The following SLC22A23 variants were observed in gnomAD, a reference collection of about 807,000 sequenced individuals.
SLC22A23 encodes the protein ion transporter protein.
A neutral mutation model predicts 61.0 loss-of-function variants in SLC22A23; 26 were observed. The ratio of observed to expected loss-of-function variants is 0.43; its 90% confidence interval spans 0.31 to 0.59. The LOEUF is 0.59. SLC22A23 is among the 20% of genes least tolerant of loss of function. The pLI is 0.11. For synonymous variants in SLC22A23, 430 were observed against 413.9 expected (o/e 1.04, Z -0.47); for missense variants, 796 against 934.7 (o/e 0.85, Z 1.94).
At chr6:3,403,194 G>C (rs1250535218) in intron 3 of SLC22A23, among the ~76,000 whole-genome samples, 2 of 146,374 alleles carry the variant, frequency 1.4e-5, no homozygotes, top group Non-Finnish European at 3.0e-5. Flanking sequence ...TTTTTTACTT[G>C]TTTTCAAGGT....
At position 3,289,798 on chromosome 6, in the gene SLC22A23, G is replaced by A; in HGVS notation, c.1279C>T (p.Leu427=). 6.2e-7 allele frequency: 1 copy of A among 1,614,016 alleles called. No individual in the cohort carries two copies. ...CIVKVVGTRN[L]WKNIVVLCVN... Reference sequence around the variant, plus strand: ...CACAGGACCACAATGTTCTTCCACAGGTTCCGTGTCCCCACCACCTTCACG... The same window carrying A: ...CACAGGACCACAATGTTCTTCCACAAGTTCCGTGTCCCCACCACCTTCACG... The change falls in exon 6 of 10, where the codon CTG becomes TTG. Residue 427 remains leucine, a synonymous_variant. Transcript: ENST00000406686.
intron 3 of SLC22A23, among the ~76,000 whole-genome samples, chr6:3,361,056 C>CCG (rs1346555600): frequency 8.3e-4 from 50 of 60,100 alleles, no homozygotes; most frequent in Non-Finnish European, 1.5e-3. Context: ...CTATTTCTAC[C>CCG]CACCCCCCCC....
intron 1 of SLC22A23, among the ~76,000 whole-genome samples, chr6:3,420,554 G>C (rs1482672479): frequency 1.3e-5 from 2 of 152,052 alleles, no homozygotes; most frequent in Non-Finnish European, 2.9e-5. Context: ...GAAAAACTAA[G>C]GGGGAAAAAC....
In SLC22A23 at chr6:3,456,619, CCCGGGCACAGCGCG is replaced by C. The variant is rs1388193876; in HGVS notation, c.-74_-61del. On this transcript the variant is annotated 5_prime_UTR_variant, in exon 1 of 10. Coordinates refer to ENST00000406686, the MANE Select transcript of SLC22A23 (RefSeq NM_015482.2). This position sits in a 1 kb window ranked among gnomAD's most constrained non-coding sequence, Gnocchi z 7.1. ...AGCGCGGCGGAGGCTCCGCGGGCGC[CCCGGGCACAGCGCG>C]CCGGGCCAGGCGCCTGCAGCCGCTG... is the stretch of plus-strand genomic sequence containing the variant. 2.1e-6 allele frequency: 2 copies of C among 962,494 alleles called. No individual in the cohort carries two copies. The highest frequency in any genetic ancestry group is 2.5e-6 in the Non-Finnish European group (2 of 811,944). The allele number at this position is 962,494 out of a possible 1,614,324, so 59.6% of individuals were successfully genotyped here.
chr6:3,276,025 G>A (rs1408038993), intron 9 of SLC22A23, among the ~76,000 whole-genome samples: 2 of 152,338 alleles, frequency 1.3e-5, no homozygotes, highest in Admixed American at 1.3e-4. Context: ...TCATAAACCA[G>A]ATATACACAG....
chr6:3,362,231 C>G (rs1486341668), intron 3 of SLC22A23, among the ~76,000 whole-genome samples: 1 of 151,204 alleles, frequency 6.6e-6, no homozygotes, highest in African/African-American at 2.4e-5. Context: ...TGGTGAAACC[C>G]CGTCTCTACT....
rs1206366713 is a variant in SLC22A23, at chr6:3,298,208, C to T, written c.1093G>A (p.Glu365Lys). The part of the protein sequence containing the change: ...LMLLYWSIFP[E>K]SLRWLMATQQ... ...GTGGCCATTAGCCACCGGAGGGACT[C>T]GGGGAATATCCTTTAAAGACACAAA... The change falls in exon 5 of 10, where the codon GAG (glutamate) becomes AAG (lysine). Residue 365 changes from glutamate (E) to lysine (K), a missense_variant. Physicochemically the swap from Glu to Lys is moderately conservative, Grantham distance 56. Coordinates refer to ENST00000406686, the MANE Select transcript of SLC22A23 (RefSeq NM_015482.2). The T allele has an allele frequency of 1.3e-6, 2 of 1,594,518 alleles. No homozygotes were observed. Among genetic ancestry groups the T allele is most frequent in the Non-Finnish European group, 1.7e-6 (2 of 1,172,796 alleles).
chr6:3,346,756 T>C (rs1337471989), intron 3 of SLC22A23, among the ~76,000 whole-genome samples: 2 of 152,146 alleles, frequency 1.3e-5, no homozygotes, highest in Non-Finnish European at 1.5e-5. Flanking sequence ...TGGTTCCCTG[T>C]CATGCCTTTG....
intron 1 of SLC22A23, among the ~76,000 whole-genome samples, chr6:3,416,433 C>A (rs540321621): frequency 6.6e-6 from 1 of 152,254 alleles, no homozygotes; most frequent in African/African-American, 2.4e-5. Context: ...GTGTCCCTTG[C>A]GTTTTCCCAT....
At chr6:3,289,001 T>C (rs1399076707) in intron 6 of SLC22A23, among the ~76,000 whole-genome samples, 1 of 152,240 alleles carries the variant, frequency 6.6e-6, no homozygotes, top group African/African-American at 2.4e-5. Flanking sequence ...GGCCTGTCTT[T>C]ACCTGGTGGC....
intron 8 of SLC22A23, among the ~76,000 whole-genome samples, chr6:3,284,491 C>T (rs112991251): frequency 1.3e-5 from 2 of 152,226 alleles, no homozygotes; most frequent in African/African-American, 4.8e-5. Flanking sequence ...CAGGGTCTGG[C>T]ACAGTGCACG....
chr6:3,417,338 G>A (rs566979075), intron 1 of SLC22A23, among the ~76,000 whole-genome samples: 16 of 152,250 alleles, frequency 1.1e-4, no homozygotes, highest in African/African-American at 3.4e-4. Context: ...GATTTGCAAC[G>A]CCAGGCCCAG....
Position 3,286,638 on chromosome 6 carries a change from A to C in SLC22A23, c.1546+221T>G, listed in dbSNP as rs1760031913. Among the ~76,000 whole-genome samples the C allele has an allele frequency of 6.6e-6, 1 of 152,212 alleles. No individual in the cohort carries two copies. Among genetic ancestry groups the C allele is most frequent in the African/African-American group, 2.4e-5 (1 of 41,466 alleles). On this transcript the variant is annotated intron_variant, in intron 7 of 9. Coordinates refer to ENST00000406686, the MANE Select transcript of SLC22A23 (RefSeq NM_015482.2). The surrounding 1 kb of genome is among the most constrained non-coding windows in gnomAD (Gnocchi z 4.2). Reference sequence around the variant, plus strand: ...CAGGACTCGGAAGGAATCATGGTGCAGCCCGGGCCGGGGCAGGGGCAGGGG... The same window carrying C: ...CAGGACTCGGAAGGAATCATGGTGCCGCCCGGGCCGGGGCAGGGGCAGGGG...
At chr6:3,368,751 A>G (rs1766006526) in intron 3 of SLC22A23, among the ~76,000 whole-genome samples, 1 of 152,200 alleles carries the variant, frequency 6.6e-6, no homozygotes, top group Admixed American at 6.5e-5. Context: ...ATGAGTGAGG[A>G]AAGACAGCCA....
At chr6:3,392,593 G>A (rs1767733222) in intron 3 of SLC22A23, among the ~76,000 whole-genome samples, 1 of 152,174 alleles carries the variant, frequency 6.6e-6, no homozygotes, top group Admixed American at 6.5e-5. Flanking sequence ...CTTTGCCTCA[G>A]GGGGTGGCAG....
In SLC22A23 at chr6:3,324,050, C is replaced by A. The variant is rs753068016; in HGVS notation, c.914-48G>T. 3.8e-6 allele frequency: 6 copies of A among 1,594,878 alleles called. No homozygotes were observed. Among genetic ancestry groups the A allele is most frequent in the Non-Finnish European group, 5.1e-6 (6 of 1,166,794 alleles). On this transcript the variant is annotated intron_variant, in intron 3 of 9. Coordinates refer to ENST00000406686, the MANE Select transcript of SLC22A23 (RefSeq NM_015482.2). The surrounding 1 kb of genome is among the most constrained non-coding windows in gnomAD (Gnocchi z 4.3). ...GAGAGATGAGTGCCCTGCTCGACAGCCCGAGAAGTCCTGGGTGCACCTGGG... is the reference window on the plus strand; with the variant it reads ...GAGAGATGAGTGCCCTGCTCGACAGACCGAGAAGTCCTGGGTGCACCTGGG...
intron 5 of SLC22A23, 42 bp downstream of exon 5, chr6:3,298,049 C>T (rs778254182): frequency 3.6e-5 from 52 of 1,461,982 alleles, no homozygotes; most frequent in African/African-American, 1.0e-4. Flanking sequence ...GGACCTGCCC[C>T]GTGGAGCCTC....
At chr6:3,405,148 C>T (rs1330556063) in intron 3 of SLC22A23, among the ~76,000 whole-genome samples, 1 of 151,906 alleles carries the variant, frequency 6.6e-6, no homozygotes. Context: ...GTAATCCTAG[C>T]TACTTGGGAG....
intron 3 of SLC22A23, among the ~76,000 whole-genome samples, chr6:3,389,126 G>A (rs902441470): frequency 2.6e-5 from 4 of 151,650 alleles, no homozygotes; most frequent in South Asian, 2.1e-4. Context: ...AAATTAGCTG[G>A]GTGTGGTGGA....
Sources: allele counts gnomAD v4.1 joint callset (sites outside exome capture counted in the v4.1 genomes callset), GRCh38; gene constraint gnomAD v4.1.1; non-coding constraint Gnocchi (gnomAD v3.1); transcripts MANE v1.5; gene names NCBI Gene and HGNC (gene_info 2026-07-23, HGNC 2026-07-21).